SARM1: variants seen among roughly 807,000 people sequenced by gnomAD.
SARM1 encodes the protein NAD(+) hydrolase SARM1.
SARM1 carries 60 observed loss-of-function variants against 65.1 expected under a neutral mutation model. The ratio of observed to expected loss-of-function variants is 0.92; its 90% CI spans 0.75 to 1.14. The LOEUF is 1.14. Among genes scored for constraint, SARM1 ranks in the 50% most tolerant of loss-of-function variants. The pLI is 0.00. For synonymous variants in SARM1, 417 were observed against 465.4 expected (o/e 0.90, Z 1.34); for missense variants, 913 against 1,015.7 (o/e 0.90, Z 1.37).
At chr17:28,396,060 G>T (rs782067722) in intron 8 of SARM1, 34 bp downstream of exon 8, 3 of 1,613,416 alleles carry the variant, frequency 1.9e-6, no homozygotes, top group East Asian at 2.2e-5. Flanking sequence ...AGGGGGGTAG[G>T]GTACAAATCA....
intron 5 of SARM1, among the ~76,000 whole-genome samples, chr17:28,386,434 A>G (rs2142432774): frequency 6.6e-6 from 1 of 152,270 alleles, no homozygotes; most frequent in East Asian, 1.9e-4. Context: ...AGATAATGAA[A>G]CTAACATTTA....
In SARM1 at chr17:28,384,540, G is replaced by T. The variant is rs1555585655; in HGVS notation, c.1273G>T (p.Gly425Cys). The change falls in exon 3 of 9, where the codon GGT becomes TGT. Residue 425 changes from glycine (G) to cysteine (C), a missense_variant. Transcript: ENST00000585482. The surrounding 1 kb of genome is among the most constrained non-coding windows in gnomAD (Gnocchi z 4.4). The stretch of plus-strand genomic sequence containing the variant: ...GGTTCAGACGTGGCTGCAGCAGATC[G>T]GTTTCTCCAAGTACTGCGAGAGCTT... ...AEVQTWLQQI[G>C]FSKYCESFRE... 3 of 1,611,514 alleles carry T rather than the reference G, an allele frequency of 1.9e-6. No homozygotes were observed. Among genetic ancestry groups the T allele is most frequent in the East Asian group, 2.2e-5 (1 of 44,816 alleles).
At chr17:28,392,484 T>A (rs1294720600) in intron 7 of SARM1, among the ~76,000 whole-genome samples, 4 of 152,200 alleles carry the variant, frequency 2.6e-5, no homozygotes, top group Non-Finnish European at 4.4e-5. Flanking sequence ...TTTGGTTTTG[T>A]ATAATTCTGG....
At chr17:28,388,022 GC>G in intron 5 of SARM1, 151 bp from the exon 6 acceptor site, 1 of 636,830 alleles carries the variant, frequency 1.6e-6, no homozygotes, top group South Asian at 1.8e-5. Flanking sequence ...CCTCCTGGAG[GC>G]CCCATTTCTC....
chr17:28,379,306 T>C (rs1431685500), intron 1 of SARM1, among the ~76,000 whole-genome samples: 4 of 130,384 alleles, frequency 3.1e-5, no homozygotes, highest in Non-Finnish European at 6.6e-5. Flanking sequence ...GATCTTTTTT[T>C]TTTTTTTTTT....
At chr17:28,392,865 G>A (rs1251771617) in intron 7 of SARM1, among the ~76,000 whole-genome samples, 5 of 152,174 alleles carry the variant, frequency 3.3e-5, no homozygotes, top group African/African-American at 7.2e-5. Flanking sequence ...CAGAGGCTCC[G>A]TCATCCCTCT....
chr17:28,376,403 C>CAAA (rs58695374), intron 1 of SARM1, among the ~76,000 whole-genome samples: 3,869 of 83,896 alleles, frequency 0.046, 349 homozygotes, highest in East Asian at 0.41. Context: ...ACTAAAAATA[C>CAAA]AAAAAAAAAA....
chr17:28,375,182 G>T (rs572335809), intron 1 of SARM1, among the ~76,000 whole-genome samples: 1 of 152,148 alleles, frequency 6.6e-6, no homozygotes, highest in South Asian at 2.1e-4. Flanking sequence ...CCATATGACT[G>T]CTAGCCCTCT....
chr17:28,372,101 G>C lies in SARM1; in HGVS notation c.69G>C (p.Pro23=). The C allele has an allele frequency of 6.7e-7, 1 of 1,482,506 alleles. No homozygotes were observed. Among genetic ancestry groups the C allele is most frequent in the Non-Finnish European group, 8.9e-7 (1 of 1,122,942 alleles). The allele number at this position is 1,482,506 out of a possible 1,614,324, so 91.8% of individuals were successfully genotyped here. Residue 23 remains proline (P), a synonymous_variant, in exon 1 of 9, where the codon CCG becomes CCC. Coordinates refer to ENST00000585482, the MANE Select transcript of SARM1 (RefSeq NM_015077.4). This position sits in a 1 kb window ranked among gnomAD's most constrained non-coding sequence, Gnocchi z 5.2. ...CRFFAMSGPR[P]GAERLAVPGP... ...TCTTCGCCATGTCGGGCCCACGGCC[G>C]GGCGCCGAGCGGCTGGCGGTGCCTG... is the stretch of plus-strand genomic sequence containing the variant.
rs1215154844 is a variant in SARM1, at chr17:28,401,086, C to CT, written c.*4806dup. Reference sequence around the variant, plus strand: ...TCTGATGAAAGCTTGATGGAAATGGCTTTTTTCTGGTTTATCCTCTTTGGA... The same window carrying CT: ...TCTGATGAAAGCTTGATGGAAATGGCTTTTTTTCTGGTTTATCCTCTTTGGA... On this transcript the variant is annotated 3_prime_UTR_variant, in exon 9 of 9. Transcript: ENST00000585482. 5 of 372,418 alleles carry CT rather than the reference C, an allele frequency of 1.3e-5. No individual in the cohort carries two copies. Among genetic ancestry groups the CT allele is most frequent in the South Asian group, 2.3e-5 (1 of 42,900 alleles). 23.1% of individuals were successfully genotyped at this position (372,418 alleles called of 1,614,324 possible). A position where few individuals can be genotyped will look rare whatever the true frequency, so the allele number is the denominator to read the frequency against.
chr17:28,393,912 G>A (rs1220023567), intron 7 of SARM1, among the ~76,000 whole-genome samples: 1 of 152,174 alleles, frequency 6.6e-6, no homozygotes, highest in Non-Finnish European at 1.5e-5. Context: ...GCCTATAATA[G>A]GGGAACTGAC....
At chr17:28,390,634 A>G (rs1191021261) in intron 7 of SARM1, among the ~76,000 whole-genome samples, 1 of 152,096 alleles carries the variant, frequency 6.6e-6, no homozygotes, top group Non-Finnish European at 1.5e-5. Flanking sequence ...TATGGTTTGT[A>G]GGGCATGACT....
chr17:28,386,832 C>T (rs782424409), intron 5 of SARM1, among the ~76,000 whole-genome samples: 2 of 152,300 alleles, frequency 1.3e-5, no homozygotes, highest in Non-Finnish European at 1.5e-5. Flanking sequence ...CTCAACCTCC[C>T]GGGCTCAAGT....
At position 28,396,432 on chromosome 17, in the gene SARM1, A is replaced by C. The variant is rs2068125006; in HGVS notation, c.*146A>C. On this transcript the variant is annotated 3_prime_UTR_variant, in exon 9 of 9. Coordinates refer to ENST00000585482, the MANE Select transcript of SARM1 (RefSeq NM_015077.4). ...CTCCCTCCCCCTGTCCCCCACCCTC[A>C]TGGCCCACCTCCAACCCACTTTCCT... 3.4e-6 allele frequency: 3 copies of C among 895,358 alleles called. No individual in the cohort carries two copies. The highest frequency in any genetic ancestry group is 2.4e-5 in the Admixed American group (1 of 41,104). The allele number at this position is 895,358 out of a possible 1,614,324, so 55.5% of individuals were successfully genotyped here. A position where few individuals can be genotyped will look rare whatever the true frequency, so the allele number is the denominator to read the frequency against.
chr17:28,391,386 C>T (rs1431661528), intron 7 of SARM1, among the ~76,000 whole-genome samples: 1 of 152,114 alleles, frequency 6.6e-6, no homozygotes, highest in African/African-American at 2.4e-5. Context: ...TCAAGGAGCC[C>T]ATGAAGGAGA....
In SARM1 at chr17:28,381,814, A is replaced by G. The variant is rs2068027042; in HGVS notation, c.1082A>G (p.Lys361Arg). 6.9e-7 allele frequency: 1 copy of G among 1,447,190 alleles called. No individual in the cohort carries two copies. Among genetic ancestry groups the G allele is most frequent in the Non-Finnish European group, 9.1e-7 (1 of 1,099,240 alleles). 89.6% of individuals were successfully genotyped at this position (1,447,190 alleles called of 1,614,324 possible). The stretch of plus-strand genomic sequence containing the variant: ...GCTGCCATCAAGAGCCTGCAAGGCA[A>G]GACCAAGGTGGGTGCAGATGTGGGG... Reference protein sequence around the residue: ...AEAAIKSLQGKTKVFSDIGAI... With the variant: ...AEAAIKSLQGRTKVFSDIGAI... Residue 361 changes from lysine to arginine, a missense_variant, in exon 2 of 9, where the codon AAG becomes AGG. Lys to Arg is a conservative substitution (Grantham distance 26). Transcript: ENST00000585482.
At position 28,385,551 on chromosome 17, in the gene SARM1, G is replaced by C; in HGVS notation, c.1630+276G>C. 2.0e-6 allele frequency: 1 copy of C among 501,620 alleles called. No homozygotes were observed. Among genetic ancestry groups the C allele is most frequent in the South Asian group, 2.7e-5 (1 of 36,888 alleles). The allele number at this position is 501,620 out of a possible 1,614,324, so 31.1% of individuals were successfully genotyped here. ...TACCCAGGTCTCCAGTGGGAGCACA[G>C]AGGAAGCCCAGCCCACCCCATCCAC... On this transcript the variant is annotated intron_variant, in intron 5 of 8. Coordinates refer to ENST00000585482, the MANE Select transcript of SARM1 (RefSeq NM_015077.4). The surrounding 1 kb of genome is among the most constrained non-coding windows in gnomAD (Gnocchi z 4.5).
rs1461091216 is a variant in SARM1, at chr17:28,381,300, C to T, written c.568C>T (p.His190Tyr). 1 of 1,604,650 alleles carries T rather than the reference C, an allele frequency of 6.2e-7. No homozygotes were observed. The highest frequency in any genetic ancestry group is 8.5e-7 in the Non-Finnish European group (1 of 1,176,146). ...LARSVAGILE[H>Y]MFKHSEETCQ... is the part of the protein sequence containing the mutation. Reference sequence around the variant, plus strand: ...GCGGAGCGTGGCAGGCATCTTGGAGCACATGTTCAAGCATTCGGAGGAGAC... The same window carrying T: ...GCGGAGCGTGGCAGGCATCTTGGAGTACATGTTCAAGCATTCGGAGGAGAC... Residue 190 changes from histidine to tyrosine, a missense_variant, in exon 2 of 9, where the codon CAC becomes TAC. Around this residue, in one of 3 missense-constraint regions of SARM1, gnomAD observed 862 missense variants for 952.1 expected, o/e 0.91. Coordinates refer to ENST00000585482, the MANE Select transcript of SARM1 (RefSeq NM_015077.4).
At chr17:28,382,328 T>A (rs1198875553) in intron 2 of SARM1, among the ~76,000 whole-genome samples, 1 of 151,816 alleles carries the variant, frequency 6.6e-6, no homozygotes, top group Non-Finnish European at 1.5e-5. Context: ...CAAGTGGAAG[T>A]GGGGAAGGGG....
Sources: allele counts gnomAD v4.1 joint callset (sites outside exome capture counted in the v4.1 genomes callset), GRCh38; gene constraint gnomAD v4.1.1; regional missense constraint gnomAD v4.1.1; non-coding constraint Gnocchi (gnomAD v3.1); transcripts MANE v1.5; gene names NCBI Gene and HGNC (gene_info 2026-07-23, HGNC 2026-07-21).